The following SLC39A11 variants were observed in gnomAD, a reference collection of about 807,000 sequenced individuals.
SLC39A11 encodes the protein solute carrier family 39 member 11.
Under a neutral mutation model 36.1 loss-of-function variants are expected in SLC39A11, and 33 were observed. The ratio of observed to expected loss-of-function variants is 0.91; its 90% CI spans 0.69 to 1.22. The LOEUF (loss-of-function observed/expected upper bound fraction) is 1.22, where lower values mean the gene tolerates loss of function less well. Ranked by LOEUF, SLC39A11 falls within the 50% of genes most tolerant of loss-of-function variation. The pLI is 0.00. For synonymous variants in SLC39A11, 166 were observed against 170.3 expected (o/e 0.97, Z 0.20); for missense variants, 432 against 430.3 (o/e 1.00, Z -0.03).
At chr17:72,824,988 A>G (rs2077955011) in intron 6 of SLC39A11, among the ~76,000 whole-genome samples, 1 of 151,290 alleles carries the variant, frequency 6.6e-6, no homozygotes, top group Admixed American at 6.6e-5. Context: ...AGAGAAACCC[A>G]TTTTCTAGGG....
intron 6 of SLC39A11, among the ~76,000 whole-genome samples, chr17:72,775,700 T>G (rs953021184): frequency 1.3e-5 from 2 of 152,194 alleles, no homozygotes; most frequent in African/African-American, 4.8e-5. Flanking sequence ...CCCAGGGCTA[T>G]GCTCAAGGCC....
intron 3 of SLC39A11, among the ~76,000 whole-genome samples, chr17:73,032,966 C>T (rs1048008602): frequency 1.3e-5 from 2 of 152,310 alleles, no homozygotes. Context: ...GGCCAGCGGT[C>T]CCCAATCCTT....
At position 73,017,823 on chromosome 17, in the gene SLC39A11, C is replaced by A. The variant is rs771188920; in HGVS notation, c.306+13733G>T. Reference sequence around the variant, plus strand: ...GAGGATCATCACACAAACAAGAAATCTCAGAAATATGCAAAGGGATATCCA... The same window carrying A: ...GAGGATCATCACACAAACAAGAAATATCAGAAATATGCAAAGGGATATCCA... On this transcript the variant is annotated intron_variant, in intron 4 of 9. Coordinates refer to ENST00000255559, the MANE Select transcript of SLC39A11 (RefSeq NM_139177.4). Among the ~76,000 whole-genome samples the A allele has an allele frequency of 2.0e-5, 3 of 152,280 alleles. No individual in the cohort carries two copies. In the East Asian group the frequency reaches 5.8e-4, roughly 29 times the overall value.
Position 72,820,426 on chromosome 17 carries a change from C to T in SLC39A11, c.601+29208G>A, listed in dbSNP as rs180836689. ...CCTTCCCAGTCCCTCCCTAATTTTC[C>T]TTGTGCCTCTCCTCTCTCCTTTGCT... On this transcript the variant is annotated intron_variant, in intron 6 of 9. Transcript: ENST00000255559. 3.2e-4 allele frequency among the ~76,000 whole-genome samples: 49 copies of T among 151,236 alleles called. 1 individual carries two copies. The highest frequency in any genetic ancestry group is 1.5e-3 in the Admixed American group (23 of 15,172).
chr17:72,780,058 T>A (rs1209583605), intron 6 of SLC39A11, among the ~76,000 whole-genome samples: 1 of 152,188 alleles, frequency 6.6e-6, no homozygotes, highest in East Asian at 1.9e-4. Flanking sequence ...ACCATCCCCT[T>A]GGTCAGTGTA....
intron 3 of SLC39A11, among the ~76,000 whole-genome samples, chr17:73,049,568 T>G (rs1239446621): frequency 6.6e-6 from 1 of 152,124 alleles, no homozygotes; most frequent in Non-Finnish European, 1.5e-5. Flanking sequence ...CAGTAAGAAC[T>G]AAGGAACCAA....
intron 4 of SLC39A11, among the ~76,000 whole-genome samples, chr17:72,965,936 C>T (rs1296670531): frequency 1.3e-5 from 2 of 152,182 alleles, no homozygotes; most frequent in African/African-American, 4.8e-5. Context: ...CATCCACAAA[C>T]CTACAAATTT....
At chr17:72,921,470 GAGAAAA>G (rs769514092) in intron 5 of SLC39A11, among the ~76,000 whole-genome samples, 88 of 152,204 alleles carry the variant, frequency 5.8e-4, no homozygotes, top group Non-Finnish European at 1.1e-3. Context: ...GAGTGGAGAG[GAGAAAA>G]AGAAAAAGAA....
At chr17:73,077,683 T>A (rs1201297862) in intron 3 of SLC39A11, among the ~76,000 whole-genome samples, 1 of 152,154 alleles carries the variant, frequency 6.6e-6, no homozygotes, top group African/African-American at 2.4e-5. Context: ...ACACACATAA[T>A]CTTTAGAGTC....
chr17:73,014,572 G>A (rs77507065), intron 4 of SLC39A11, among the ~76,000 whole-genome samples: 4,160 of 150,450 alleles, frequency 0.028, 81 homozygotes, highest in Middle Eastern at 0.041. Flanking sequence ...CAAGAGGATC[G>A]CGTGAGCCTG....
rs80040859 is a variant in SLC39A11, at chr17:72,670,641, A to C, written c.672-21373T>G. ...ATTCGATGGATCATAATCCACTACT[A>C]TCATTATTTATTTTGTTGCTCCAAT... On this transcript the variant is annotated intron_variant, in intron 7 of 9. Coordinates refer to ENST00000255559, the MANE Select transcript of SLC39A11 (RefSeq NM_139177.4). Among the ~76,000 whole-genome samples, 1,001 of 152,294 alleles carry C rather than the reference A, an allele frequency of 6.6e-3. 9 individuals carry two copies. Among genetic ancestry groups the C allele is most frequent in the African/African-American group, 0.023 (967 of 41,558 alleles).
intron 3 of SLC39A11, among the ~76,000 whole-genome samples, chr17:73,036,547 A>G (rs1004510919): frequency 1.3e-5 from 2 of 152,118 alleles, no homozygotes; most frequent in Admixed American, 1.3e-4. Flanking sequence ...CCCATGTTCA[A>G]GTAATTCTCT....
chr17:72,830,341 C>A (rs948274555), intron 6 of SLC39A11, among the ~76,000 whole-genome samples: 1 of 138,530 alleles, frequency 7.2e-6, no homozygotes, highest in East Asian at 2.0e-4. Context: ...TTTTTTTTTT[C>A]CTAAATCAGG....
chr17:73,032,041 A>AT (rs996739865), intron 3 of SLC39A11, among the ~76,000 whole-genome samples: 2 of 152,084 alleles, frequency 1.3e-5, no homozygotes, highest in African/African-American at 4.8e-5. Context: ...GACTAGAGAC[A>AT]TTTTTAGCTG....
chr17:72,727,988 T>A (rs968709438), intron 7 of SLC39A11, among the ~76,000 whole-genome samples: 2 of 152,116 alleles, frequency 1.3e-5, no homozygotes, highest in Admixed American at 1.3e-4. Context: ...TTCTTGTGGG[T>A]GGCTATAATG....
At chr17:72,753,506 G>A (rs1397646582) in intron 6 of SLC39A11, among the ~76,000 whole-genome samples, 1 of 152,100 alleles carries the variant, frequency 6.6e-6, no homozygotes, top group Non-Finnish European at 1.5e-5. Flanking sequence ...GTCAGTTCTT[G>A]CTTTATGAGC....
chr17:73,082,126 G>A (rs8066927), intron 3 of SLC39A11, among the ~76,000 whole-genome samples: 90,177 of 117,032 alleles, frequency 0.77, 33,289 homozygotes, highest in Admixed American at 0.82. Context: ...TAAAAAAAAA[G>A]AAAAAAAAAA....
chr17:72,681,454 C>G (rs1440417635), intron 7 of SLC39A11, among the ~76,000 whole-genome samples: 1 of 152,156 alleles, frequency 6.6e-6, no homozygotes, highest in East Asian at 1.9e-4. Flanking sequence ...TGACAATAGT[C>G]CAGGAGAGAG....
chr17:72,947,214 C>A (rs567941835), intron 5 of SLC39A11, among the ~76,000 whole-genome samples: 2 of 151,624 alleles, frequency 1.3e-5, no homozygotes, highest in Non-Finnish European at 2.9e-5. Flanking sequence ...CTTGAGAAGT[C>A]GAGGCAGGAG....
Sources: allele counts gnomAD v4.1 joint callset (sites outside exome capture counted in the v4.1 genomes callset), GRCh38; gene constraint gnomAD v4.1.1; transcripts MANE v1.5; gene names NCBI Gene and HGNC (gene_info 2026-07-23, HGNC 2026-07-21).